MYH10: variants seen among roughly 807,000 people sequenced by gnomAD.
The protein encoded by MYH10 is myosin-10.
MYH10 carries 55 observed loss-of-function variants against 257.8 expected under a neutral mutation model. The observed-to-expected ratio is 0.21, with a 90% CI of 0.17 to 0.27. MYH10 has a LOEUF of 0.27. MYH10 is among the 10% of genes least tolerant of loss of function. The pLI is 1.00. For synonymous variants in MYH10, 854 were observed against 921.7 expected (o/e 0.93, Z 1.33); for missense variants, 1,631 against 2,500.6 (o/e 0.65, Z 7.42).
intron 6 of MYH10, among the ~76,000 whole-genome samples, chr17:8,572,784 T>A (rs138370703): frequency 6.6e-6 from 1 of 152,194 alleles, no homozygotes. Context: ...TTTGTGGACA[T>A]TGGTGAGACT....
intron 1 of MYH10, among the ~76,000 whole-genome samples, chr17:8,628,412 CCTA>C (rs1289270011): frequency 6.6e-6 from 1 of 152,154 alleles, no homozygotes; most frequent in Admixed American, 6.5e-5. Flanking sequence ...CCTCCCAGCA[CCTA>C]CTATGAGTGT....
At chr17:8,627,588 TG>T (rs1253794333) in intron 1 of MYH10, among the ~76,000 whole-genome samples, 1 of 152,208 alleles carries the variant, frequency 6.6e-6, no homozygotes, top group Non-Finnish European at 1.5e-5. Context: ...ATGAGACCAT[TG>T]GAGATATTTT....
At chr17:8,548,919 T>G in intron 9 of MYH10, 132 bp from the exon 10 acceptor site, 1 of 648,222 alleles carries the variant, frequency 1.5e-6, no homozygotes, top group Non-Finnish European at 2.5e-6. Context: ...GCAAAATGTT[T>G]TTTTTCTTTA....
rs552734923 is a variant in MYH10, at chr17:8,580,280, GTT to G, written c.531-2944_531-2943del. The stretch of plus-strand genomic sequence containing the variant: ...AAAAAGAAATCAAGTAGACGCTGAG[GTT>G]TTTTTTTTAGGTAAACTTCAAATAG... On this transcript the variant is annotated intron_variant, in intron 4 of 42. Coordinates refer to ENST00000360416, the MANE Select transcript of MYH10 (RefSeq NM_001256012.3). Among the ~76,000 whole-genome samples the G allele has an allele frequency of 8.2e-4, 117 of 141,962 alleles. 1 individual carries two copies. In the South Asian group the frequency reaches 0.014, roughly 17 times the overall value. The allele number at this position is 141,962 out of a possible 152,430, so 93.1% of individuals were successfully genotyped here. A position where few individuals can be genotyped will look rare whatever the true frequency, so the allele number is the denominator to read the frequency against.
chr17:8,616,451 C>T (rs894726790), intron 2 of MYH10, among the ~76,000 whole-genome samples: 1 of 151,818 alleles, frequency 6.6e-6, no homozygotes, highest in Non-Finnish European at 1.5e-5. Context: ...GTAAAAAATA[C>T]AGTATTTCTA....
At position 8,552,299 on chromosome 17, in the gene MYH10, T is replaced by C. The variant is rs2082666235; in HGVS notation, c.821-155A>G. Among the ~76,000 whole-genome samples the C allele has an allele frequency of 6.6e-6, 1 of 152,198 alleles. No homozygotes were observed. Among genetic ancestry groups the C allele is most frequent in the Non-Finnish European group, 1.5e-5 (1 of 68,042 alleles). On this transcript the variant is annotated intron_variant, in intron 8 of 42. Coordinates refer to ENST00000360416, the MANE Select transcript of MYH10 (RefSeq NM_001256012.3). This position sits in a 1 kb window ranked among gnomAD's most constrained non-coding sequence, Gnocchi z 4.8. Reference sequence around the variant, plus strand: ...AATGAACTATTCTAAATGACTGTCTTCCATCTGTGAAAAAAGAAAATAGGT... The same window carrying C: ...AATGAACTATTCTAAATGACTGTCTCCCATCTGTGAAAAAAGAAAATAGGT...
Position 8,504,728 on chromosome 17 carries a change from T to G in MYH10, c.3565A>C (p.Thr1189Pro). The part of the protein sequence containing the change: ...LEALKTELED[T>P]LDTTAAQQEL... ...TGCTGGGCTGCCGTGGTGTCCAGCG[T>G]GTCCTCCAGCTCTGTTTTCAGAGCT... The change falls in exon 28 of 43, where the codon ACG (threonine) becomes CCG (proline). Residue 1189 changes from threonine (T) to proline (P), a missense_variant. Thr to Pro is a conservative substitution (Grantham distance 38, BLOSUM62 -1). This residue lies in a region of MYH10 where 7 missense variants were observed against 37.1 expected (regional missense o/e 0.19). Coordinates refer to ENST00000360416, the MANE Select transcript of MYH10 (RefSeq NM_001256012.3). The surrounding 1 kb of genome is among the most constrained non-coding windows in gnomAD (Gnocchi z 5.6). 6.2e-7 allele frequency: 1 copy of G among 1,614,050 alleles called. No individual in the cohort carries two copies.
intron 2 of MYH10, among the ~76,000 whole-genome samples, chr17:8,608,193 G>C (rs956945189): frequency 2.6e-5 from 4 of 152,202 alleles, no homozygotes; most frequent in East Asian, 1.9e-4. Context: ...GTTCAGGAGA[G>C]AAAAGTGATT....
intron 2 of MYH10, among the ~76,000 whole-genome samples, chr17:8,608,533 G>C (rs2084895738): frequency 1.3e-5 from 2 of 152,354 alleles, no homozygotes; most frequent in South Asian, 4.1e-4. Flanking sequence ...TGACACTGTG[G>C]TATGGTGGGT....
At chr17:8,567,546 G>C (rs1325817734) in intron 7 of MYH10, among the ~76,000 whole-genome samples, 2 of 152,114 alleles carry the variant, frequency 1.3e-5, no homozygotes, top group Admixed American at 1.3e-4. Context: ...ACTGTAATTA[G>C]GAAGAGGGTC....
At chr17:8,523,430 T>A (rs763644475) in intron 17 of MYH10, among the ~76,000 whole-genome samples, 1 of 152,186 alleles carries the variant, frequency 6.6e-6, no homozygotes, top group South Asian at 2.1e-4. Context: ...ATAGGAGAAA[T>A]GAGTGGTTAG....
At chr17:8,613,946 A>G (rs777565294) in intron 2 of MYH10, among the ~76,000 whole-genome samples, 2 of 152,204 alleles carry the variant, frequency 1.3e-5, no homozygotes, top group Non-Finnish European at 2.9e-5. Context: ...ACAACAGTCA[A>G]TTTTGCAAGA....
At chr17:8,584,905 G>A (rs1368143115) in intron 4 of MYH10, among the ~76,000 whole-genome samples, 6 of 151,966 alleles carry the variant, frequency 3.9e-5, no homozygotes, top group Admixed American at 2.6e-4. Context: ...GTGCAATGGC[G>A]CAATCTCAGC....
chr17:8,477,128 G>C lies in MYH10; in HGVS notation c.5707-80C>G, dbSNP rs1224523122. 1 of 1,520,452 alleles carries C rather than the reference G, an allele frequency of 6.6e-7. No homozygotes were observed. The highest frequency in any genetic ancestry group is 9.0e-7 in the Non-Finnish European group (1 of 1,111,524). The allele number at this position is 1,520,452 out of a possible 1,614,324, so 94.2% of individuals were successfully genotyped here. On this transcript the variant is annotated intron_variant, in intron 41 of 42. Transcript: ENST00000360416. The surrounding 1 kb of genome is among the most constrained non-coding windows in gnomAD (Gnocchi z 4.2). ...CTCTCTGTACCCCGAGCGTGGCAGTGTGGGGCTCTGCCTGTTACCCTTGTG... is the reference window on the plus strand; with the variant it reads ...CTCTCTGTACCCCGAGCGTGGCAGTCTGGGGCTCTGCCTGTTACCCTTGTG...
chr17:8,615,944 A>G lies in MYH10; in HGVS notation c.345+6958T>C, dbSNP rs542088839. Among the ~76,000 whole-genome samples the G allele has an allele frequency of 4.4e-4, 67 of 152,358 alleles. 1 individual carries two copies. The South Asian group carries it at 9.7e-3, about 22-fold the overall frequency. Reference sequence around the variant, plus strand: ...TGATTATCACTTCTGTTCAAAAAACATTGTACTGAAAATTCTAGACAGTGC... The same window carrying G: ...TGATTATCACTTCTGTTCAAAAAACGTTGTACTGAAAATTCTAGACAGTGC... On this transcript the variant is annotated intron_variant, in intron 2 of 42. Transcript: ENST00000360416.
intron 23 of MYH10, 103 bp from the exon 24 acceptor site, chr17:8,512,760 G>C (rs1482332863): frequency 2.3e-6 from 2 of 858,752 alleles, no homozygotes; most frequent in Admixed American, 3.4e-5. Context: ...GAAACTGGGA[G>C]ATAAAAATAT....
intron 40 of MYH10, 82 bp downstream of exon 40, chr17:8,480,028 C>A: frequency 1.4e-6 from 2 of 1,417,182 alleles, no homozygotes; most frequent in Non-Finnish European, 1.9e-6. Context: ...GGTGGGGAGC[C>A]CCCCCGAAAG....
At chr17:8,616,789 T>G (rs1446779826) in intron 2 of MYH10, among the ~76,000 whole-genome samples, 9 of 152,072 alleles carry the variant, frequency 5.9e-5, no homozygotes, top group Non-Finnish European at 1.3e-4. Context: ...ATTCTAAAAT[T>G]ATATTGAAAT....
chr17:8,560,595 TG>T, intron 7 of MYH10: 1 of 897,334 alleles, frequency 1.1e-6, no homozygotes. Flanking sequence ...CACTGAGCAC[TG>T]GAGGAAAAGG....
Sources: allele counts gnomAD v4.1 joint callset (sites outside exome capture counted in the v4.1 genomes callset), GRCh38; gene constraint gnomAD v4.1.1; regional missense constraint gnomAD v4.1.1; non-coding constraint Gnocchi (gnomAD v3.1); transcripts MANE v1.5; gene names NCBI Gene and HGNC (gene_info 2026-07-23, HGNC 2026-07-21).